ZBTB1: variants seen among roughly 807,000 people sequenced by gnomAD.
The protein encoded by ZBTB1 is zinc finger and BTB domain containing 1.
A neutral mutation model predicts 51.6 loss-of-function variants in ZBTB1; 13 were observed. The ratio of observed to expected loss-of-function variants is 0.25; its 90% CI spans 0.16 to 0.40. ZBTB1 has a LOEUF of 0.40. Among genes scored for constraint, ZBTB1 ranks in the 10% least tolerant of loss-of-function variants. The probability of loss-of-function intolerance (pLI) is 1.00; values close to 1 mark genes in which losing one functional copy is unlikely to be tolerated. For synonymous variants in ZBTB1, 240 were observed against 282.2 expected (o/e 0.85, Z 1.50); for missense variants, 567 against 856.5 (o/e 0.66, Z 4.22).
Position 64,523,187 on chromosome 14 carries a change from G to T in ZBTB1, c.1683G>T (p.Met561Ile). The change falls in exon 2 of 2, where the codon ATG (methionine) becomes ATT (isoleucine). Residue 561 changes from methionine (M) to isoleucine (I), a missense_variant. Physicochemically the swap from Met to Ile is conservative, Grantham distance 10. Transcript: ENST00000683701. The surrounding 1 kb of genome is among the most constrained non-coding windows in gnomAD (Gnocchi z 4.5). ...EHMSSCLDQD[M>I]FKSAIMEENE... The stretch of plus-strand genomic sequence containing the variant: ...TGTCTAGCTGCTTAGATCAAGATAT[G>T]TTTAAGAGTGCCATCATGGAAGAAA... 1.9e-6 allele frequency: 3 copies of T among 1,614,182 alleles called. No homozygotes were observed. Among genetic ancestry groups the T allele is most frequent in the Non-Finnish European group, 2.5e-6 (3 of 1,180,020 alleles).
downstream of ZBTB1, among the ~76,000 whole-genome samples, chr14:64,525,468 A>G (rs1303029607): frequency 6.6e-6 from 1 of 152,210 alleles, no homozygotes; most frequent in East Asian, 1.9e-4. Context: ...AAGTTCTCTA[A>G]CCCAGAGACC....
At chr14:64,505,437 C>T (rs1056552137) in intron 1 of ZBTB1, among the ~76,000 whole-genome samples, 1 of 152,232 alleles carries the variant, frequency 6.6e-6, no homozygotes, top group Non-Finnish European at 1.5e-5. Flanking sequence ...TACGCTGTTT[C>T]CCACCCCCTC....
chr14:64,523,982 G>GTTTT lies in ZBTB1; in HGVS notation c.*346_*349dup. On this transcript the variant is annotated 3_prime_UTR_variant, in exon 2 of 2. Coordinates refer to ENST00000683701, the MANE Select transcript of ZBTB1 (RefSeq NM_001123329.2). This position sits in a 1 kb window ranked among gnomAD's most constrained non-coding sequence, Gnocchi z 4.5. ...GGTGATGACTTCACTATTTCTATGTGTTTTTTTTTTTTTAAGGTTATCCTG... is the reference window on the plus strand; with the variant it reads ...GGTGATGACTTCACTATTTCTATGTGTTTTTTTTTTTTTTTTTAAGGTTATCCTG... The GTTTT allele has an allele frequency of 2.0e-5, 17 of 850,402 alleles. No homozygotes were observed. Among genetic ancestry groups the GTTTT allele is most frequent in the South Asian group, 5.5e-5 (1 of 18,226 alleles). The allele number at this position is 850,402 out of a possible 1,614,324, so 52.7% of individuals were successfully genotyped here.
exon 3 of ZBTB1, chr14:64,532,326 A>G (rs1375231585): frequency 6.5e-6 from 1 of 153,110 alleles, no homozygotes; most frequent in East Asian, 1.9e-4. Flanking sequence ...TAAAATCACT[A>G]GAATTATAGC....
chr14:64,507,730 T>C (rs902627449), intron 1 of ZBTB1, among the ~76,000 whole-genome samples: 1 of 152,244 alleles, frequency 6.6e-6, no homozygotes, highest in Non-Finnish European at 1.5e-5. Flanking sequence ...TACTGTATCA[T>C]GGTGGGCTAT....
downstream of ZBTB1, chr14:64,524,982 G>A: frequency 3.1e-6 from 3 of 958,940 alleles, no homozygotes; most frequent in Non-Finnish European, 3.7e-6. Flanking sequence ...TTGCAATGTA[G>A]TACCCTTTTC....
At chr14:64,509,418 T>C (rs2079700133) in intron 1 of ZBTB1, among the ~76,000 whole-genome samples, 2 of 152,090 alleles carry the variant, frequency 1.3e-5, no homozygotes, top group Non-Finnish European at 2.9e-5. Flanking sequence ...GAGCTAGACA[T>C]TGAAAAGGTT....
At position 64,523,046 on chromosome 14, in the gene ZBTB1, T is replaced by A. The variant is rs376993813; in HGVS notation, c.1542T>A (p.Asn514Lys). 29 of 1,614,016 alleles carry A rather than the reference T, an allele frequency of 1.8e-5. No individual in the cohort carries two copies. Among genetic ancestry groups the A allele is most frequent in the Non-Finnish European group, 2.4e-5 (28 of 1,180,014 alleles). Residue 514 changes from asparagine to lysine, a missense_variant, in exon 2 of 2, where the codon AAT becomes AAA. Physicochemically the swap from Asn to Lys is moderately conservative, Grantham distance 94 (BLOSUM62 0). Coordinates refer to ENST00000683701, the MANE Select transcript of ZBTB1 (RefSeq NM_001123329.2). The surrounding 1 kb of genome is among the most constrained non-coding windows in gnomAD (Gnocchi z 4.5). ...AAATGCTGGATGATTTTAGGGACAA[T>A]CATTACCAGATAAACAGTATCCAAA... is the stretch of plus-strand genomic sequence containing the variant. ...FVEMLDDFRD[N>K]HYQINSIQKK...
At chr14:64,515,000 TTAA>T (rs989907353) in intron 1 of ZBTB1, among the ~76,000 whole-genome samples, 1 of 152,250 alleles carries the variant, frequency 6.6e-6, no homozygotes, top group African/African-American at 2.4e-5. Context: ...ATTAAATTAC[TTAA>T]TATGCTTAAT....
rs1428501954 is a variant in ZBTB1 at position 64,504,950 on chromosome 14, A to G, written c.-19+4A>G. ...GCTCTGGTTCCTGTTGCGGCCGGTA[A>G]GTATTTGCCAGTTGTGGGGCTATTT... On this transcript the variant is annotated splice_donor_region_variant and intron_variant, in intron 1 of 1. Coordinates refer to ENST00000683701, the MANE Select transcript of ZBTB1 (RefSeq NM_001123329.2). 1.3e-5 allele frequency: 5 copies of G among 395,046 alleles called. No individual in the cohort carries two copies. Among genetic ancestry groups the G allele is most frequent in the African/African-American group, 4.1e-5 (2 of 48,394 alleles). 24.5% of individuals were successfully genotyped at this position (395,046 alleles called of 1,614,324 possible).
chr14:64,508,961 T>A (rs13329053), intron 1 of ZBTB1, among the ~76,000 whole-genome samples: 2 of 152,010 alleles, frequency 1.3e-5, no homozygotes, highest in Admixed American at 1.3e-4. Flanking sequence ...CTGCCTTAAG[T>A]GTGGTAACAG....
intron 1 of ZBTB1, among the ~76,000 whole-genome samples, chr14:64,511,021 A>C (rs926803): frequency 0.28 from 41,926 of 152,088 alleles, 6,145 homozygotes; most frequent in Non-Finnish European, 0.34. Context: ...GGGAGAAGTT[A>C]TAGGTAGCTC....
At chr14:64,519,418 A>T (rs1330441650) in intron 1 of ZBTB1, among the ~76,000 whole-genome samples, 1 of 150,370 alleles carries the variant, frequency 6.7e-6, no homozygotes, top group Non-Finnish European at 1.5e-5. Flanking sequence ...GATTACAGGC[A>T]TGAGCCACCG....
chr14:64,519,765 G>A (rs1476074281), intron 1 of ZBTB1, among the ~76,000 whole-genome samples: 4 of 149,302 alleles, frequency 2.7e-5, no homozygotes, highest in African/African-American at 7.4e-5. Flanking sequence ...GTAACAGAGC[G>A]AGACCCTGCC....
chr14:64,527,607 T>C (rs1051382034), downstream of ZBTB1, among the ~76,000 whole-genome samples: 1 of 150,576 alleles, frequency 6.6e-6, no homozygotes, highest in Non-Finnish European at 1.5e-5. Context: ...CGAGACTCCA[T>C]CTCAAAAAAA....
intron 1 of ZBTB1, among the ~76,000 whole-genome samples, chr14:64,518,917 T>TATATATATATATATAC (rs2079826606): frequency 7.3e-6 from 1 of 137,672 alleles, no homozygotes; most frequent in Admixed American, 7.2e-5. Flanking sequence ...TATATATATA[T>TATATATATATATATAC]ATATATATAT....
At chr14:64,525,734 C>T (rs1020516234), downstream of ZBTB1, among the ~76,000 whole-genome samples, 8 of 152,156 alleles carry the variant, frequency 5.3e-5, no homozygotes, top group African/African-American at 1.7e-4. Flanking sequence ...AATTAGCAAG[C>T]AAATATATAA....
At chr14:64,518,851 A>AT (rs1250958223) in intron 1 of ZBTB1, among the ~76,000 whole-genome samples, 1 of 147,740 alleles carries the variant, frequency 6.8e-6, no homozygotes, top group Non-Finnish European at 1.5e-5. Context: ...AAAAATACTT[A>AT]AATGCCCACT....
chr14:64,527,066 G>A (rs144266875), downstream of ZBTB1, among the ~76,000 whole-genome samples: 8 of 151,564 alleles, frequency 5.3e-5, no homozygotes, highest in Non-Finnish European at 1.2e-4. Context: ...TAGAAATGAC[G>A]CACATGGGTT....
Sources: gnomAD v4.1 joint callset for allele counts (sites outside exome capture counted in the v4.1 genomes callset) on GRCh38, gnomAD v4.1.1 for gene constraint, Gnocchi (gnomAD v3.1) non-coding constraint, MANE v1.5 for transcripts, NCBI Gene and HGNC (gene_info 2026-07-23, HGNC 2026-07-21) for gene names.